The following LCORL variants were observed in gnomAD, a reference collection of about 807,000 sequenced individuals.
LCORL encodes the protein ligand-dependent nuclear receptor corepressor-like protein.
LCORL carries 41 observed loss-of-function variants against 141.8 expected under a neutral mutation model. That is an observed-to-expected ratio of 0.29 (90% CI 0.23 to 0.38). The LOEUF (loss-of-function observed/expected upper bound fraction) is 0.38, where lower values mean the gene tolerates loss of function less well. Ranked by LOEUF, LCORL falls within the 10% of genes least tolerant of loss-of-function variation. The pLI is 1.00. For synonymous variants in LCORL, 618 were observed against 694.1 expected (o/e 0.89, Z 1.72); for missense variants, 1,759 against 2,035.0 (o/e 0.86, Z 2.61).
intron 2 of LCORL, among the ~76,000 whole-genome samples, chr4:17,963,590 G>A (rs1187285152): frequency 6.6e-6 from 1 of 151,664 alleles, no homozygotes; most frequent in East Asian, 1.9e-4. Context: ...CAAGAATTAA[G>A]AGTAAAAATC....
At chr4:17,950,423 G>A (rs1412296014) in intron 4 of LCORL, among the ~76,000 whole-genome samples, 1 of 152,072 alleles carries the variant, frequency 6.6e-6, no homozygotes, top group African/African-American at 2.4e-5. Context: ...ATAGACAAAG[G>A]ACATATCACG....
In LCORL at chr4:17,870,340, A is replaced by C. The variant is rs1726197318; in HGVS notation, c.5602+3048T>G. ...GCTGCTTGCTCTCTTTTGTCATCCA[A>C]ATTTTCCACATCGTTTGCAACTGCC... is the stretch of plus-strand genomic sequence containing the variant. On this transcript the variant is annotated intron_variant, in intron 7 of 7. Transcript: ENST00000635767. Among the ~76,000 whole-genome samples, 4 of 151,856 alleles carry C rather than the reference A, an allele frequency of 2.6e-5. No individual in the cohort carries two copies. In the South Asian group the frequency reaches 8.3e-4, roughly 32 times the overall value.
chr4:17,941,785 T>C (rs927978318), intron 4 of LCORL, among the ~76,000 whole-genome samples: 13 of 152,088 alleles, frequency 8.5e-5, no homozygotes, highest in African/African-American at 1.7e-4. Flanking sequence ...CTCTGCACAA[T>C]AGTCTGAGTT....
chr4:17,917,106 C>T (rs1337876056), intron 4 of LCORL, among the ~76,000 whole-genome samples: 2 of 152,126 alleles, frequency 1.3e-5, no homozygotes, highest in African/African-American at 4.8e-5. Context: ...TCCTGAGTAG[C>T]TGGGATTACA....
In LCORL at chr4:18,021,520, C is replaced by T; in HGVS notation, c.154+78G>A. ...AACCCGAACGGGAGATTCAACTAAA[C>T]CCCTCAGCCACAAACTCCTCGGGCT... On this transcript the variant is annotated intron_variant, in intron 1 of 7. Transcript: ENST00000635767. The surrounding 1 kb of genome is among the most constrained non-coding windows in gnomAD (Gnocchi z 5.5). The T allele has an allele frequency of 1.5e-6, 2 of 1,292,828 alleles. No individual in the cohort carries two copies. The highest frequency in any genetic ancestry group is 2.9e-5 in the South Asian group (2 of 69,068). The allele number at this position is 1,292,828 out of a possible 1,614,324, so 80.1% of individuals were successfully genotyped here. A position where few individuals can be genotyped will look rare whatever the true frequency, so the allele number is the denominator to read the frequency against.
intron 7 of LCORL, among the ~76,000 whole-genome samples, chr4:17,849,030 G>A (rs1268633350): frequency 6.6e-6 from 1 of 152,260 alleles, no homozygotes; most frequent in Non-Finnish European, 1.5e-5. Flanking sequence ...CAGCTGGGAA[G>A]CTCGAACTGG....
At position 17,902,128 on chromosome 4, in the gene LCORL, C is replaced by CCAA. The variant is rs369016658; in HGVS notation, c.682+6963_682+6965dup. Among the ~76,000 whole-genome samples the CCAA allele has an allele frequency of 3.2e-3, 480 of 151,940 alleles. 3 individuals are homozygous for CCAA. Among genetic ancestry groups the CCAA allele is most frequent in the African/African-American group, 0.011 (464 of 41,460 alleles). On this transcript the variant is annotated intron_variant, in intron 5 of 7. Transcript: ENST00000635767. Reference sequence around the variant, plus strand: ...ACATATTTAAGAAAATGAGAAAAAGCCAATATGAAGACTAAAGAAAGAGAG... The same window carrying CCAA: ...ACATATTTAAGAAAATGAGAAAAAGCCAACAATATGAAGACTAAAGAAAGAGAG...
chr4:17,999,690 A>G (rs562155518), intron 1 of LCORL, among the ~76,000 whole-genome samples: 1 of 152,352 alleles, frequency 6.6e-6, no homozygotes, highest in Admixed American at 6.5e-5. Flanking sequence ...GATTTAACTT[A>G]ACCTAAATTC....
chr4:17,904,514 T>C (rs1297267868), intron 5 of LCORL, among the ~76,000 whole-genome samples: 2 of 152,126 alleles, frequency 1.3e-5, no homozygotes, highest in Admixed American at 6.5e-5. Flanking sequence ...TATAATTTCC[T>C]CTCTTTTAGT....
intron 1 of LCORL, among the ~76,000 whole-genome samples, chr4:17,996,191 A>G: frequency 6.6e-6 from 1 of 152,110 alleles, no homozygotes; most frequent in East Asian, 1.9e-4. Flanking sequence ...ATATATCCAT[A>G]TTATTTCCCT....
At chr4:17,981,808 A>G (rs902020694) in intron 1 of LCORL, among the ~76,000 whole-genome samples, 1 of 152,036 alleles carries the variant, frequency 6.6e-6, no homozygotes, top group African/African-American at 2.4e-5. Flanking sequence ...AGGCAAACTG[A>G]TGTCACAGGG....
chr4:17,924,120 A>T (rs966963427), intron 4 of LCORL, among the ~76,000 whole-genome samples: 1 of 152,134 alleles, frequency 6.6e-6, no homozygotes, highest in Non-Finnish European at 1.5e-5. Context: ...GAAATTGGTG[A>T]CAAAGAAATT....
intron 1 of LCORL, among the ~76,000 whole-genome samples, chr4:18,006,371 T>G (rs191488697): frequency 6.6e-6 from 1 of 152,246 alleles, no homozygotes; most frequent in South Asian, 2.1e-4. Flanking sequence ...CATTTTCCTG[T>G]CTTCTTCTAA....
chr4:17,949,784 A>G (rs543175440), intron 4 of LCORL, among the ~76,000 whole-genome samples: 27 of 152,286 alleles, frequency 1.8e-4, no homozygotes, highest in African/African-American at 5.8e-4. Context: ...GCAATGATTC[A>G]GTAAAAGAGT....
At chr4:17,923,738 A>G (rs1734662606) in intron 4 of LCORL, among the ~76,000 whole-genome samples, 1 of 151,974 alleles carries the variant, frequency 6.6e-6, no homozygotes, top group Non-Finnish European at 1.5e-5. Flanking sequence ...AAGGGATCCA[A>G]AGGCTTAGGG....
At chr4:18,018,069 C>T (rs1363761815) in intron 1 of LCORL, among the ~76,000 whole-genome samples, 2 of 152,044 alleles carry the variant, frequency 1.3e-5, no homozygotes, top group African/African-American at 4.8e-5. Flanking sequence ...ATTGAAATTA[C>T]ATCAAAATAC....
In LCORL at chr4:17,899,717, A is replaced by G. The variant is rs145930201; in HGVS notation, c.682+9377T>C. ...AAAGTTATCTCTTTGGGGAGAGAATACTTGGAGAAATTACAAGGGAAAAGA... is the reference window on the plus strand; with the variant it reads ...AAAGTTATCTCTTTGGGGAGAGAATGCTTGGAGAAATTACAAGGGAAAAGA... On this transcript the variant is annotated intron_variant, in intron 5 of 7. Coordinates refer to ENST00000635767, the Ensembl canonical transcript of LCORL. Among the ~76,000 whole-genome samples, 664 of 152,308 alleles carry G rather than the reference A, an allele frequency of 4.4e-3. 4 individuals carry two copies. Among genetic ancestry groups the G allele is most frequent in the African/African-American group, 0.015 (641 of 41,570 alleles).
intron 4 of LCORL, among the ~76,000 whole-genome samples, chr4:17,943,899 A>C (rs1738400637): frequency 6.6e-6 from 1 of 152,168 alleles, no homozygotes; most frequent in African/African-American, 2.4e-5. Flanking sequence ...TATACTTCCA[A>C]ATTTCATTTG....
At chr4:17,893,665 T>C (rs898394388) in intron 5 of LCORL, 6 of 808,552 alleles carry the variant, frequency 7.4e-6, no homozygotes, top group Non-Finnish European at 9.0e-6. Context: ...GGTAAAGCTA[T>C]CTTCTAATGC....
Sources: gnomAD v4.1 joint callset for allele counts (sites outside exome capture counted in the v4.1 genomes callset) on GRCh38, gnomAD v4.1.1 for gene constraint, Gnocchi (gnomAD v3.1) non-coding constraint, MANE v1.5 for transcripts, NCBI Gene and HGNC (gene_info 2026-07-23, HGNC 2026-07-21) for gene names.